Variants in FBXW7 observed in about 807,000 individuals in gnomAD.
FBXW7 encodes the protein F-box/WD repeat-containing protein 7.
FBXW7 carries 11 observed loss-of-function variants against 86.3 expected under a neutral mutation model. The observed-to-expected ratio is 0.13, with a 90% confidence interval of 0.08 to 0.21. FBXW7 has a LOEUF of 0.21. FBXW7 is among the 10% of genes least tolerant of loss of function. The pLI, the probability that FBXW7 is intolerant of heterozygous loss-of-function variation, is 1.00. For missense variants in FBXW7, 488 were observed against 847.4 expected, an observed-to-expected ratio of 0.58 and a Z score of 5.27; for synonymous variants, 313 against 297.9, an observed-to-expected ratio of 1.05 and a Z score of -0.52.
intron 4 of FBXW7, among the ~76,000 whole-genome samples, chr4:152,406,951 C>T (rs977114953): frequency 5.3e-5 from 8 of 152,096 alleles, no homozygotes; most frequent in East Asian, 1.9e-4. Context: ...GCACAGGAGA[C>T]GGAAAAAATG....
At chr4:152,436,209 AATG>A (rs1740367198) in intron 2 of FBXW7, among the ~76,000 whole-genome samples, 2 of 152,238 alleles carry the variant, frequency 1.3e-5, no homozygotes, top group South Asian at 2.1e-4. Context: ...TGAACACATA[AATG>A]ATAAGAAAGT....
In FBXW7 at chr4:152,467,862, A is replaced by G. The variant is rs547333486; in HGVS notation, c.-119-55333T>C. Among the ~76,000 whole-genome samples, 19 of 152,348 alleles carry G rather than the reference A, an allele frequency of 1.2e-4. 1 individual carries two copies. In the South Asian group the frequency reaches 3.5e-3, roughly 28 times the overall value. On this transcript the variant is annotated intron_variant, in intron 2 of 13. Coordinates refer to ENST00000281708, the MANE Select transcript of FBXW7 (RefSeq NM_001349798.2). ...TTTCTGCTTCAAAGGACACCATCAT[A>G]AAAGTAAAGAGATAATCCATAGGAG...
chr4:152,481,806 A>G lies in FBXW7; in HGVS notation c.-120+53135T>C, dbSNP rs188305955. Among the ~76,000 whole-genome samples the G allele has an allele frequency of 3.6e-3, 542 of 152,332 alleles. 5 individuals carry two copies. Among genetic ancestry groups the G allele is most frequent in the African/African-American group, 0.013 (526 of 41,580 alleles). ...ATGATTGAATTGCTGAAATCTCAAA[A>G]TAAAATTTTAATGGCTGAGGTGTTG... is the stretch of plus-strand genomic sequence containing the variant. On this transcript the variant is annotated intron_variant, in intron 2 of 13. Coordinates refer to ENST00000281708, the MANE Select transcript of FBXW7 (RefSeq NM_001349798.2).
At chr4:152,330,552 CAGATT>C (rs1729460227) in intron 9 of FBXW7, among the ~76,000 whole-genome samples, 175 bp downstream of exon 9, 1 of 151,868 alleles carries the variant, frequency 6.6e-6, no homozygotes, top group Non-Finnish European at 1.5e-5. Flanking sequence ...AATTAGTTGT[CAGATT>C]AGAGAAATTA....
Position 152,411,658 on chromosome 4 carries a change from T to A in FBXW7, c.146A>T (p.Glu49Val), listed in dbSNP as rs1331482126. Reference sequence around the variant, plus strand: ...ACCATTCCTTGCAGTGTGCTCCTCCTCTTGTTGTCTGAGTTGCTGTTGCTG... The same window carrying A: ...ACCATTCCTTGCAGTGTGCTCCTCCACTTGTTGTCTGAGTTGCTGTTGCTG... ...EEQQQQLRQQ[E>V]EEHTARNGEV... Residue 49 changes from glutamate to valine, a missense_variant, in exon 4 of 14, where the codon GAG becomes GTG. By Grantham distance (121) the Glu-to-Val change is moderately radical (BLOSUM62 -2). This residue lies in a region of FBXW7 where 230 missense variants were observed against 240.0 expected (regional missense o/e 0.96). Transcript: ENST00000281708. The A allele has an allele frequency of 1.2e-6, 2 of 1,613,902 alleles. No homozygotes were observed. The highest frequency in any genetic ancestry group is 1.7e-6 in the Non-Finnish European group (2 of 1,179,922).
chr4:152,376,490 T>C (rs1485076387), intron 4 of FBXW7, among the ~76,000 whole-genome samples: 1 of 152,150 alleles, frequency 6.6e-6, no homozygotes, highest in Non-Finnish European at 1.5e-5. Context: ...TACAGGAGTA[T>C]AATAGATTAA....
At chr4:152,464,236 C>T (rs1006215153) in intron 2 of FBXW7, among the ~76,000 whole-genome samples, 1 of 151,972 alleles carries the variant, frequency 6.6e-6, no homozygotes, top group African/African-American at 2.4e-5. Context: ...ACTATAACAA[C>T]CTTGGAGATA....
chr4:152,378,517 C>A (rs988145175), intron 4 of FBXW7, among the ~76,000 whole-genome samples: 5 of 152,210 alleles, frequency 3.3e-5, no homozygotes, highest in Middle Eastern at 3.4e-3. Flanking sequence ...TGTCTATAAA[C>A]CAGCAGTCAA....
chr4:152,494,107 G>A (rs765032220), intron 2 of FBXW7, among the ~76,000 whole-genome samples: 14 of 151,874 alleles, frequency 9.2e-5, no homozygotes, highest in African/African-American at 2.7e-4. Context: ...AAATACTGAC[G>A]AGAAGAATCA....
intron 6 of FBXW7, among the ~76,000 whole-genome samples, chr4:152,340,057 T>C (rs542078771): frequency 7.8e-4 from 118 of 151,498 alleles, no homozygotes; most frequent in African/African-American, 2.8e-3. Context: ...CTAAGCTAAA[T>C]ATTTGAAACT....
At chr4:152,368,831 C>G (rs987593756) in intron 4 of FBXW7, among the ~76,000 whole-genome samples, 11 of 152,080 alleles carry the variant, frequency 7.2e-5, no homozygotes, top group African/African-American at 2.7e-4. Flanking sequence ...TTCTGAACAT[C>G]TGAGAATCTC....
chr4:152,326,309 G>T, intron 11 of FBXW7, 78 bp from the exon 12 acceptor site: 2 of 1,063,028 alleles, frequency 1.9e-6, no homozygotes, highest in Non-Finnish European at 2.7e-6. Flanking sequence ...GAGAAAACAT[G>T]GTAGATTTAG....
intron 4 of FBXW7, among the ~76,000 whole-genome samples, chr4:152,380,536 A>G (rs1734971150): frequency 6.6e-6 from 1 of 151,712 alleles, no homozygotes; most frequent in Non-Finnish European, 1.5e-5. Flanking sequence ...CAAGGCTATA[A>G]TTTAACATAA....
At chr4:152,368,658 G>T (rs899360529) in intron 4 of FBXW7, among the ~76,000 whole-genome samples, 6 of 152,008 alleles carry the variant, frequency 3.9e-5, no homozygotes, top group Non-Finnish European at 7.4e-5. Flanking sequence ...AATTTTGGGG[G>T]CTTCAGTAGG....
intron 4 of FBXW7, among the ~76,000 whole-genome samples, chr4:152,374,531 A>AT (rs1734307385): frequency 6.6e-6 from 1 of 152,044 alleles, no homozygotes; most frequent in Middle Eastern, 3.2e-3. Context: ...TTCCTTAAGG[A>AT]TTTTTCCAAG....
chr4:152,357,318 G>A (rs1732481265), intron 4 of FBXW7, among the ~76,000 whole-genome samples: 1 of 150,724 alleles, frequency 6.6e-6, no homozygotes, highest in South Asian at 2.1e-4. Flanking sequence ...AGAAGTAGTA[G>A]TTTTTTCTTT....
intron 4 of FBXW7, among the ~76,000 whole-genome samples, chr4:152,370,894 C>T (rs1265242296): frequency 6.6e-6 from 1 of 151,832 alleles, no homozygotes; most frequent in African/African-American, 2.4e-5. Flanking sequence ...AAACACAAGA[C>T]ACTATCAAAG....
At chr4:152,350,822 GCAA>G (rs1560791451) in intron 4 of FBXW7, among the ~76,000 whole-genome samples, 3 of 151,794 alleles carry the variant, frequency 2.0e-5, no homozygotes. Flanking sequence ...AATTTGAAAA[GCAA>G]CAACAGAAAG....
At chr4:152,352,407 T>A (rs2126659825) in intron 4 of FBXW7, 2 of 1,598,158 alleles carry the variant, frequency 1.3e-6, no homozygotes, top group Admixed American at 3.4e-5. Flanking sequence ...TGATACAGAT[T>A]TTCCTTCTCA....
Sources: allele counts gnomAD v4.1 joint callset (sites outside exome capture counted in the v4.1 genomes callset), GRCh38; gene constraint gnomAD v4.1.1; regional missense constraint gnomAD v4.1.1; transcripts MANE v1.5; gene names NCBI Gene and HGNC (gene_info 2026-07-23, HGNC 2026-07-21).